Variants in MKLN1 observed in about 807,000 individuals in gnomAD.
MKLN1 encodes muskelin 1.
Under a neutral mutation model 99.0 loss-of-function variants are expected in MKLN1, and 18 were observed. The ratio of observed to expected loss-of-function variants is 0.18; its 90% CI spans 0.13 to 0.27. The LOEUF (loss-of-function observed/expected upper bound fraction) is 0.27. Among genes scored for constraint, MKLN1 ranks in the 10% least tolerant of loss-of-function variants. The pLI is 1.00. For synonymous variants in MKLN1, 288 were observed against 293.2 expected (o/e 0.98, Z 0.18); for missense variants, 621 against 875.9 (o/e 0.71, Z 3.67).
intron 2 of MKLN1, among the ~76,000 whole-genome samples, chr7:131,176,456 T>C (rs1304303453): frequency 2.0e-5 from 3 of 152,204 alleles, no homozygotes; most frequent in Admixed American, 1.3e-4. Flanking sequence ...AAAGTGTATC[T>C]TTTGGGGAGC....
chr7:131,142,409 T>TC (rs1554528074), intron 1 of MKLN1, among the ~76,000 whole-genome samples: 1 of 112,738 alleles, frequency 8.9e-6, no homozygotes, highest in Non-Finnish European at 2.1e-5. Context: ...AGACTCCATT[T>TC]CAAAAAAAAA....
At chr7:131,411,685 T>C (rs992030719) in intron 7 of MKLN1, among the ~76,000 whole-genome samples, 3 of 151,918 alleles carry the variant, frequency 2.0e-5, no homozygotes, top group Non-Finnish European at 4.4e-5. Context: ...GGTGGGCAGA[T>C]CACCTGAGGT....
chr7:131,450,237 C>T (rs1201004793), intron 12 of MKLN1, among the ~76,000 whole-genome samples: 1 of 152,134 alleles, frequency 6.6e-6, no homozygotes, highest in Non-Finnish European at 1.5e-5. Context: ...AAGAATAGAA[C>T]CATATGCCTT....
rs553379390 is a variant in MKLN1 at position 131,402,295 on chromosome 7, A to C, written c.703+2862A>C. On this transcript the variant is annotated intron_variant, in intron 6 of 17. Coordinates refer to ENST00000352689, the MANE Select transcript of MKLN1 (RefSeq NM_013255.5). ...GCAATTTCTCATCCATTCAAGTTTT[A>C]TCATGAGAGTGTAGCAGTTCAGTCA... is the stretch of plus-strand genomic sequence containing the variant. Among the ~76,000 whole-genome samples the C allele has an allele frequency of 2.6e-5, 4 of 152,316 alleles. No homozygotes were observed. The East Asian group carries it at 7.7e-4, about 29-fold the overall frequency.
At chr7:131,369,572 G>C (rs1419354380) in intron 1 of MKLN1, among the ~76,000 whole-genome samples, 1 of 152,108 alleles carries the variant, frequency 6.6e-6, no homozygotes. Flanking sequence ...CTTATCAAGT[G>C]TAACAGCATT....
intron 3 of MKLN1, among the ~76,000 whole-genome samples, chr7:131,293,850 C>A (rs1028373852): frequency 6.6e-6 from 1 of 152,038 alleles, no homozygotes. Context: ...TCATGAAAAG[C>A]AAATAAAGTA....
chr7:131,127,492 C>A (rs1795482660), intron 1 of MKLN1, among the ~76,000 whole-genome samples: 1 of 152,098 alleles, frequency 6.6e-6, no homozygotes. Context: ...ATTGCCGGCC[C>A]ACAGAAGCCA....
chr7:131,347,270 C>T (rs983579960), intron 1 of MKLN1, among the ~76,000 whole-genome samples: 2 of 152,202 alleles, frequency 1.3e-5, no homozygotes, highest in Non-Finnish European at 2.9e-5. Flanking sequence ...TGCTGATTGT[C>T]AAGAGAGTAA....
intron 3 of MKLN1, among the ~76,000 whole-genome samples, chr7:131,224,833 G>A (rs556661148): frequency 6.6e-6 from 1 of 152,130 alleles, no homozygotes; most frequent in East Asian, 1.9e-4. Flanking sequence ...CAGCACTTTG[G>A]GGGGCCGAGG....
intron 3 of MKLN1, among the ~76,000 whole-genome samples, chr7:131,286,370 T>C (rs73153455): frequency 0.053 from 8,131 of 152,306 alleles, 335 homozygotes; most frequent in African/African-American, 0.1. Flanking sequence ...CCTTTTCCTT[T>C]GTGGGGTGAT....
chr7:131,175,140 G>A (rs1393477241), intron 2 of MKLN1, among the ~76,000 whole-genome samples: 2 of 134,188 alleles, frequency 1.5e-5, no homozygotes, highest in African/African-American at 5.7e-5. Context: ...TAGGGTGGAT[G>A]GATGGGTGGA....
intron 3 of MKLN1, among the ~76,000 whole-genome samples, chr7:131,274,738 T>G (rs1348651772): frequency 6.6e-6 from 1 of 151,484 alleles, no homozygotes; most frequent in Non-Finnish European, 1.5e-5. Flanking sequence ...TCTTAAGCAG[T>G]GGCTTTGAAA....
intron 3 of MKLN1, among the ~76,000 whole-genome samples, chr7:131,275,462 G>A (rs1424759454): frequency 1.6e-5 from 2 of 123,820 alleles, no homozygotes; most frequent in African/African-American, 6.1e-5. Context: ...TCCACCTTCC[G>A]GGTTCAGGTG....
rs781446732 is a variant in MKLN1, at chr7:131,327,885, T to A, written c.-15T>A. The A allele has an allele frequency of 1.2e-6, 2 of 1,610,384 alleles. No homozygotes were observed. Among genetic ancestry groups the A allele is most frequent in the Non-Finnish European group, 1.7e-6 (2 of 1,179,348 alleles). ...GCTGCCAGCGGTCGGTGGCGGCCGC[T>A]ACGGTGCTGACAAGATGGCGGCTGG... On this transcript the variant is annotated 5_prime_UTR_variant, in exon 1 of 18. Transcript: ENST00000352689.
chr7:131,468,816 A>G (rs1796730464), intron 15 of MKLN1, among the ~76,000 whole-genome samples: 1 of 152,232 alleles, frequency 6.6e-6, no homozygotes, highest in South Asian at 2.1e-4. Context: ...CATAACTTTC[A>G]GGACACTGAT....
At chr7:131,326,263 C>T (rs532592925), upstream of MKLN1, among the ~76,000 whole-genome samples, 159 of 152,324 alleles carry the variant, frequency 1.0e-3, 1 homozygote, top group African/African-American at 3.7e-3. Flanking sequence ...CAAGTCACTA[C>T]AGTTACAGCA....
intron 3 of MKLN1, among the ~76,000 whole-genome samples, chr7:131,247,361 ACG>A (rs1797507575): frequency 6.6e-6 from 1 of 151,406 alleles, no homozygotes; most frequent in Non-Finnish European, 1.5e-5. Flanking sequence ...TTACAGGCAC[ACG>A]CACCACCACG....
intron 3 of MKLN1, among the ~76,000 whole-genome samples, chr7:131,306,773 A>T (rs1798473478): frequency 6.6e-6 from 1 of 152,234 alleles, no homozygotes; most frequent in Non-Finnish European, 1.5e-5. Context: ...GAAAATTTGC[A>T]GCCTGACCAT....
At chr7:131,341,834 C>G (rs1279049637) in intron 1 of MKLN1, among the ~76,000 whole-genome samples, 1 of 152,186 alleles carries the variant, frequency 6.6e-6, no homozygotes, top group African/African-American at 2.4e-5. Context: ...GAGTCTAATG[C>G]CTATGCTGAT....
Sources: allele counts gnomAD v4.1 joint callset (sites outside exome capture counted in the v4.1 genomes callset), GRCh38; gene constraint gnomAD v4.1.1; transcripts MANE v1.5; gene names NCBI Gene and HGNC (gene_info 2026-07-23, HGNC 2026-07-21).